ZIC4: variants seen among roughly 807,000 people sequenced by gnomAD.
The protein encoded by ZIC4 is Zic family zinc finger 4.
ZIC4 carries 15 observed loss-of-function variants against 28.8 expected under a neutral mutation model. The ratio of observed to expected loss-of-function variants is 0.52; its 90% confidence interval spans 0.35 to 0.80. The LOEUF (loss-of-function observed/expected upper bound fraction) is 0.80, where lower values mean the gene tolerates loss of function less well. Among genes scored for constraint, ZIC4 ranks in the 30% least tolerant of loss-of-function variants. ZIC4 has a pLI of 0.01. For missense variants in ZIC4, 512 were observed against 467.1 expected (o/e 1.10, Z -0.89); for synonymous variants, 220 against 198.1 (o/e 1.11, Z -0.93).
intron 2 of ZIC4, among the ~76,000 whole-genome samples, chr3:147,401,439 C>T (rs2087163322): frequency 6.6e-6 from 1 of 152,190 alleles, no homozygotes; most frequent in South Asian, 2.1e-4. Flanking sequence ...CAGCTGAGGG[C>T]CACTGTATAG....
intron 2 of ZIC4, among the ~76,000 whole-genome samples, chr3:147,400,786 G>A (rs955240770): frequency 5.3e-5 from 8 of 152,152 alleles, no homozygotes; most frequent in African/African-American, 1.9e-4. Flanking sequence ...CCAGAGCCTG[G>A]GAAGCAGGGA....
intron 3 of ZIC4, chr3:147,392,476 A>C (rs2086947757): frequency 1.0e-6 from 1 of 982,086 alleles, no homozygotes; most frequent in Non-Finnish European, 1.2e-6. Flanking sequence ...AGAACCCGGA[A>C]GCCTAGATTC....
chr3:147,405,403 G>C (rs1427324140), intron 1 of ZIC4: 2 of 1,537,118 alleles, frequency 1.3e-6, no homozygotes, highest in East Asian at 2.4e-5. Context: ...TCCTGAAGAC[G>C]GTGACGGCCG....
chr3:147,400,658 T>C (rs1296408635), intron 2 of ZIC4, among the ~76,000 whole-genome samples: 2 of 152,322 alleles, frequency 1.3e-5, no homozygotes, highest in Non-Finnish European at 2.9e-5. Context: ...AGGGATTACA[T>C]AAGGATCTTC....
intron 3 of ZIC4, chr3:147,394,043 C>T (rs2086984618): frequency 2.2e-6 from 1 of 446,882 alleles, no homozygotes; most frequent in South Asian, 1.6e-5. Context: ...CAATTATTTT[C>T]CTGTTGAATC....
intron 2 of ZIC4, among the ~76,000 whole-genome samples, chr3:147,399,786 C>T (rs2087127228): frequency 6.6e-6 from 1 of 151,944 alleles, no homozygotes; most frequent in African/African-American, 2.4e-5. Context: ...CCACCTCAGC[C>T]TCCCAAGTAG....
At chr3:147,404,526 C>T (rs913774744) in intron 1 of ZIC4, among the ~76,000 whole-genome samples, 2 of 152,170 alleles carry the variant, frequency 1.3e-5, no homozygotes, top group African/African-American at 4.8e-5. Context: ...AATCCTGGGG[C>T]CCGTGGACCT....
At chr3:147,404,410 C>CCTACACAGGGAA in intron 1 of ZIC4, 1 of 607,876 alleles carries the variant, frequency 1.6e-6, no homozygotes, top group Non-Finnish European at 2.2e-6. Context: ...CATCACACAG[C>CCTACACAGGGAA]CTACACAGGG....
intron 3 of ZIC4, among the ~76,000 whole-genome samples, chr3:147,395,037 G>A (rs1191058703): frequency 6.6e-6 from 1 of 152,298 alleles, no homozygotes; most frequent in South Asian, 2.1e-4. Flanking sequence ...GGGAGGAGGA[G>A]CGAGAAAACC....
chr3:147,403,205 T>C (rs2087205222), intron 1 of ZIC4, among the ~76,000 whole-genome samples: 1 of 152,102 alleles, frequency 6.6e-6, no homozygotes. Flanking sequence ...TTTAGTGAGG[T>C]GTGGTGGGGA....
Position 147,396,610 on chromosome 3 carries a change from C to A in ZIC4, c.71-141G>T. On this transcript the variant is annotated intron_variant, in intron 2 of 4. Coordinates refer to ENST00000383075, the MANE Select transcript of ZIC4 (RefSeq NM_032153.6). This position sits in a 1 kb window ranked among gnomAD's most constrained non-coding sequence, Gnocchi z 4.2. ...GGAACTCAGAGCCAGACAGCGCCAGCAGTGAACCCGGTGGACAGAGCAAGG... is the reference window on the plus strand; with the variant it reads ...GGAACTCAGAGCCAGACAGCGCCAGAAGTGAACCCGGTGGACAGAGCAAGG... 1.8e-6 allele frequency: 2 copies of A among 1,141,454 alleles called. No homozygotes were observed. The highest frequency in any genetic ancestry group is 2.3e-6 in the Non-Finnish European group (2 of 852,836). 70.7% of individuals were successfully genotyped at this position (1,141,454 alleles called of 1,614,324 possible).
At chr3:147,399,563 A>T (rs1051828244) in intron 2 of ZIC4, among the ~76,000 whole-genome samples, 2 of 151,732 alleles carry the variant, frequency 1.3e-5, no homozygotes, top group Non-Finnish European at 2.9e-5. Flanking sequence ...GGCAATTAAA[A>T]TTTTTTTTCT....
chr3:147,404,798 C>A (rs1205133449), intron 1 of ZIC4, among the ~76,000 whole-genome samples: 2 of 152,198 alleles, frequency 1.3e-5, no homozygotes, highest in Non-Finnish European at 2.9e-5. Context: ...GCCTCGGAAG[C>A]TGCAAATTGT....
Position 147,388,075 on chromosome 3 carries a change from A to C in ZIC4, c.*784T>G, listed in dbSNP as rs1231770544. 6.6e-6 allele frequency: 1 copy of C among 152,634 alleles called. No homozygotes were observed. The highest frequency in any genetic ancestry group is 1.5e-5 in the Non-Finnish European group (1 of 68,084). 9.5% of individuals were successfully genotyped at this position (152,634 alleles called of 1,614,324 possible). ...TGTCCCCTGCGCCAAAGCCTCCCAC[A>C]TCAGGGTGCAGAGTGAACCCCTAAA... On this transcript the variant is annotated 3_prime_UTR_variant, in exon 5 of 5. Transcript: ENST00000383075.
At chr3:147,401,420 G>A (rs959263324) in intron 2 of ZIC4, among the ~76,000 whole-genome samples, 2 of 152,158 alleles carry the variant, frequency 1.3e-5, no homozygotes, top group African/African-American at 4.8e-5. Flanking sequence ...TCAGGAGGTG[G>A]GCCTTACTCA....
intron 4 of ZIC4, among the ~76,000 whole-genome samples, chr3:147,390,536 T>A (rs923756499): frequency 1.3e-5 from 2 of 152,026 alleles, no homozygotes; most frequent in Non-Finnish European, 2.9e-5. Context: ...ATTCTCCAAC[T>A]TTTTTTTCCA....
chr3:147,393,601 C>G, intron 3 of ZIC4: 4 of 282,794 alleles, frequency 1.4e-5, no homozygotes, highest in South Asian at 9.3e-5. Context: ...CCGGGTCCGC[C>G]GAACAAAGTT....
At position 147,388,824 on chromosome 3, in the gene ZIC4, G is replaced by C. The variant is rs199991684; in HGVS notation, c.*35C>G. On this transcript the variant is annotated 3_prime_UTR_variant, in exon 5 of 5. Coordinates refer to ENST00000383075, the MANE Select transcript of ZIC4 (RefSeq NM_032153.6). ...CGAGATGCGGGGCGCTCAGCTGCGC[G>C]GAGCGAGATTACCTTGCGAGCAACG... The C allele has an allele frequency of 3.9e-6, 3 of 777,704 alleles. No homozygotes were observed. The highest frequency in any genetic ancestry group is 7.2e-6 in the Non-Finnish European group (3 of 417,226). The allele number at this position is 777,704 out of a possible 1,614,324, so 48.2% of individuals were successfully genotyped here. A position where few individuals can be genotyped will look rare whatever the true frequency, so the allele number is the denominator to read the frequency against.
At chr3:147,395,385 C>T (rs1025346471) in intron 3 of ZIC4, among the ~76,000 whole-genome samples, 1 of 152,110 alleles carries the variant, frequency 6.6e-6, no homozygotes, top group Non-Finnish European at 1.5e-5. Flanking sequence ...CCATTCGACC[C>T]CCAACTCCTA....
Sources: gnomAD v4.1 joint callset for allele counts (sites outside exome capture counted in the v4.1 genomes callset) on GRCh38, gnomAD v4.1.1 for gene constraint, Gnocchi (gnomAD v3.1) non-coding constraint, MANE v1.5 for transcripts, NCBI Gene and HGNC (gene_info 2026-07-23, HGNC 2026-07-21) for gene names.